Variants in UNKL observed in about 807,000 individuals in gnomAD.
UNKL encodes the protein unk like zinc finger.
A neutral mutation model predicts 78.0 loss-of-function variants in UNKL; 60 were observed. That is an observed-to-expected ratio of 0.77 (90% CI 0.63 to 0.95). UNKL has a LOEUF of 0.95. UNKL is among the 40% of genes least tolerant of loss of function. UNKL has a pLI of 0.00. For synonymous variants in UNKL, 608 were observed against 474.8 expected, an observed-to-expected ratio of 1.28 and a Z score of -3.65; for missense variants, 1,159 against 1,045.7, an observed-to-expected ratio of 1.11 and a Z score of -1.49.
At chr16:1,384,576 G>C (rs1298903782) in intron 10 of UNKL, among the ~76,000 whole-genome samples, 1 of 150,078 alleles carries the variant, frequency 6.7e-6, no homozygotes, top group Non-Finnish European at 1.5e-5. Flanking sequence ...CCCACCCTCA[G>C]TGCCCTCACT....
intron 9 of UNKL, 126 bp from the exon 10 acceptor site, chr16:1,385,511 G>T: frequency 1.0e-6 from 1 of 1,005,010 alleles, no homozygotes; most frequent in East Asian, 3.4e-5. Flanking sequence ...GGCCCAGGGA[G>T]AGCTTCCCAG....
chr16:1,370,386 G>C (rs575877599), intron 11 of UNKL, 29 bp from the exon 12 acceptor site: 1 of 1,529,728 alleles, frequency 6.5e-7, no homozygotes, highest in Non-Finnish European at 8.7e-7. Flanking sequence ...TCAGCGAAGG[G>C]AGTACCGCCA....
At chr16:1,411,103 C>G (rs1399975819) in intron 2 of UNKL, among the ~76,000 whole-genome samples, 1 of 152,132 alleles carries the variant, frequency 6.6e-6, no homozygotes, top group Non-Finnish European at 1.5e-5. Flanking sequence ...GTAATCCTAG[C>G]ACTCTGGGAG....
At chr16:1,401,745 C>T (rs200612644) in intron 3 of UNKL, 44 bp from the exon 4 acceptor site, 150 of 1,572,062 alleles carry the variant, frequency 9.5e-5, no homozygotes, top group Non-Finnish European at 1.3e-4. Context: ...CATCTGGAGC[C>T]TCCAAAGCTG....
At chr16:1,379,588 C>A (rs949311749) in intron 10 of UNKL, 3 of 985,298 alleles carry the variant, frequency 3.0e-6, no homozygotes, top group Non-Finnish European at 3.6e-6. Context: ...GTAACGAGAC[C>A]CGCACCTTGG....
intron 2 of UNKL, among the ~76,000 whole-genome samples, chr16:1,405,530 C>A (rs535174625): frequency 6.6e-6 from 1 of 151,626 alleles, no homozygotes; most frequent in African/African-American, 2.4e-5. Context: ...GAACCGAGAT[C>A]GCGCCACTGT....
Position 1,403,193 on chromosome 16 carries a change from G to A in UNKL, c.439C>T (p.Leu147=), listed in dbSNP as rs1471203999. The A allele has an allele frequency of 3.7e-6, 6 of 1,613,364 alleles. No homozygotes were observed. Among genetic ancestry groups the A allele is most frequent in the South Asian group, 1.1e-5 (1 of 91,024 alleles). Residue 147 remains leucine, a synonymous_variant, in exon 3 of 15, where the codon CTG becomes TTG. Coordinates refer to ENST00000389221, the MANE Select transcript of UNKL (RefSeq NM_001372107.1). The surrounding 1 kb of genome is among the most constrained non-coding windows in gnomAD (Gnocchi z 4.8). ...CTGACGTCACACACGGGCGGCCGCA[G>A]GTCCAGGGGGCCGTGCGCGAAGGCA... ...HCAFAHGPLD[L]RPPVCDVREL...
At chr16:1,410,033 C>G (rs1181756363) in intron 2 of UNKL, among the ~76,000 whole-genome samples, 1 of 151,982 alleles carries the variant, frequency 6.6e-6, no homozygotes, top group East Asian at 1.9e-4. Flanking sequence ...GAGCCCAGAT[C>G]GCACCACTTC....
chr16:1,377,074 G>A (rs1324302065), intron 10 of UNKL, among the ~76,000 whole-genome samples: 1 of 151,992 alleles, frequency 6.6e-6, no homozygotes, highest in Admixed American at 6.6e-5. Context: ...CCAGGCTGGA[G>A]TGCAATGGCG....
At chr16:1,376,233 TCCCTCCA>T (rs1407948744) in intron 10 of UNKL, among the ~76,000 whole-genome samples, 50 of 140,484 alleles carry the variant, frequency 3.6e-4, no homozygotes, top group Non-Finnish European at 6.9e-4. Flanking sequence ...TCCTCCCTCC[TCCCTCCA>T]GGGCTGGGGC....
At chr16:1,389,196 G>A (rs1206172969) in intron 9 of UNKL, among the ~76,000 whole-genome samples, 4 of 152,256 alleles carry the variant, frequency 2.6e-5, no homozygotes, top group East Asian at 3.9e-4. Flanking sequence ...TCTTTGTTAT[G>A]GACCAAACGT....
At position 1,403,438 on chromosome 16, in the gene UNKL, C is replaced by T; in HGVS notation, c.288-94G>A. 7.2e-7 allele frequency: 1 copy of T among 1,383,786 alleles called. No individual in the cohort carries two copies. Among genetic ancestry groups the T allele is most frequent in the East Asian group, 2.4e-5 (1 of 41,372 alleles). The allele number at this position is 1,383,786 out of a possible 1,614,324, so 85.7% of individuals were successfully genotyped here. On this transcript the variant is annotated intron_variant, in intron 2 of 14. Coordinates refer to ENST00000389221, the MANE Select transcript of UNKL (RefSeq NM_001372107.1). This position sits in a 1 kb window ranked among gnomAD's most constrained non-coding sequence, Gnocchi z 4.8. ...CCACGCCCTGTCAGCACGTGGCAAG[C>T]AGTGAATTCCCTTCCCTTCTTCCAG...
chr16:1,384,736 C>T (rs1475540440), intron 10 of UNKL, among the ~76,000 whole-genome samples: 1 of 152,172 alleles, frequency 6.6e-6, no homozygotes, highest in African/African-American at 2.4e-5. Flanking sequence ...GTAGCTGGGA[C>T]CACAGGTGCG....
rs2035230612 is a variant in UNKL at position 1,366,120 on chromosome 16, G to C, written c.*120C>G. The C allele has an allele frequency of 6.4e-6, 8 of 1,245,740 alleles. No homozygotes were observed. Among genetic ancestry groups the C allele is most frequent in the Admixed American group, 3.1e-5 (1 of 31,882 alleles). The allele number at this position is 1,245,740 out of a possible 1,614,324, so 77.2% of individuals were successfully genotyped here. A position where few individuals can be genotyped will look rare whatever the true frequency, so the allele number is the denominator to read the frequency against. On this transcript the variant is annotated 3_prime_UTR_variant, in exon 15 of 15. Transcript: ENST00000389221. Reference sequence around the variant, plus strand: ...CCAGCCTCATGATAACGTGTAACAGGAAGGGCTCCCAGCCTCGGTCCTCAC... The same window carrying C: ...CCAGCCTCATGATAACGTGTAACAGCAAGGGCTCCCAGCCTCGGTCCTCAC...
chr16:1,367,899 C>T, intron 12 of UNKL, 41 bp from the exon 13 acceptor site: 2 of 1,507,402 alleles, frequency 1.3e-6, no homozygotes, highest in South Asian at 1.3e-5. Flanking sequence ...CCCTGCTGTG[C>T]TCGCGGCCTG....
At position 1,414,629 on chromosome 16, in the gene UNKL, C is replaced by T. The variant is rs1438690977; in HGVS notation, c.63G>A (p.Lys21=). ...CGGGCGCTGACCTGTAGTGGGTCGG[C>T]TTCTCAGTCTGCGGGGGGGACCCGC... The part of the protein sequence containing the change: ...ALSGSPPQTE[K]PTHYRYLKEF... Residue 21 remains lysine (K), a synonymous_variant, in exon 1 of 15, where the codon AAG becomes AAA. Transcript: ENST00000389221. The T allele has an allele frequency of 3.1e-5, 35 of 1,112,132 alleles. No individual in the cohort carries two copies. The highest frequency in any genetic ancestry group is 3.7e-5 in the Non-Finnish European group (33 of 903,322). 68.9% of individuals were successfully genotyped at this position (1,112,132 alleles called of 1,614,324 possible). A position where few individuals can be genotyped will look rare whatever the true frequency, so the allele number is the denominator to read the frequency against.
intron 2 of UNKL, among the ~76,000 whole-genome samples, chr16:1,407,966 G>C (rs1685137705): frequency 6.6e-6 from 1 of 152,048 alleles, no homozygotes; most frequent in Admixed American, 6.6e-5. Context: ...AGGACTCTGG[G>C]AAGCCTAGGC....
Position 1,399,206 on chromosome 16 carries a change from C to A in UNKL, c.734+168G>T. ...TCCCCAGGACAGACGCGTGGGCCTC[C>A]ATGGCACCTCCCACAGCCACTGTGC... On this transcript the variant is annotated intron_variant, in intron 5 of 14. Transcript: ENST00000389221. This position sits in a 1 kb window ranked among gnomAD's most constrained non-coding sequence, Gnocchi z 5.8. 1 of 1,248,968 alleles carries A rather than the reference C, an allele frequency of 8.0e-7. No individual in the cohort carries two copies. The highest frequency in any genetic ancestry group is 1.1e-6 in the Non-Finnish European group (1 of 933,522). The allele number at this position is 1,248,968 out of a possible 1,614,324, so 77.4% of individuals were successfully genotyped here. A position where few individuals can be genotyped will look rare whatever the true frequency, so the allele number is the denominator to read the frequency against.
At chr16:1,407,867 T>C (rs1225157078) in intron 2 of UNKL, among the ~76,000 whole-genome samples, 1 of 152,020 alleles carries the variant, frequency 6.6e-6, no homozygotes, top group Non-Finnish European at 1.5e-5. Context: ...ACTCGTTCTG[T>C]GGCTACACAG....
Sources: allele counts gnomAD v4.1 joint callset (sites outside exome capture counted in the v4.1 genomes callset), GRCh38; gene constraint gnomAD v4.1.1; non-coding constraint Gnocchi (gnomAD v3.1); transcripts MANE v1.5; gene names NCBI Gene and HGNC (gene_info 2026-07-23, HGNC 2026-07-21).